The following OSBPL8 variants were observed in gnomAD, a reference collection of about 807,000 sequenced individuals.
The protein encoded by OSBPL8 is oxysterol binding protein like 8, also known as oxysterol-binding protein-related protein 8.
Under a neutral mutation model 125.5 loss-of-function variants are expected in OSBPL8, and 59 were observed. The observed-to-expected ratio is 0.47, with a 90% CI of 0.38 to 0.58. The LOEUF is 0.58. OSBPL8 is among the 20% of genes least tolerant of loss of function. The pLI is 0.00. For synonymous variants in OSBPL8, 330 were observed against 338.9 expected, an observed-to-expected ratio of 0.97 and a Z score of 0.29; for missense variants, 758 against 1,047.8, an observed-to-expected ratio of 0.72 and a Z score of 3.82.
chr12:76,503,306 C>T (rs1191819795), intron 1 of OSBPL8, among the ~76,000 whole-genome samples: 1 of 152,158 alleles, frequency 6.6e-6, no homozygotes, highest in African/African-American at 2.4e-5. Context: ...CTTGAGATGG[C>T]CATTTTCTCC....
chr12:76,367,256 G>GTGTGTGTA (rs1952455942), intron 21 of OSBPL8, among the ~76,000 whole-genome samples: 1 of 151,670 alleles, frequency 6.6e-6, no homozygotes, highest in Non-Finnish European at 1.5e-5. Context: ...GTGTGTGTGT[G>GTGTGTGTA]TATGAATTGA....
intron 4 of OSBPL8, among the ~76,000 whole-genome samples, chr12:76,434,777 A>G (rs922979701): frequency 6.6e-6 from 1 of 152,238 alleles, no homozygotes; most frequent in Non-Finnish European, 1.5e-5. Flanking sequence ...CAACATCACT[A>G]ATCATCAGGG....
At chr12:76,376,397 C>T (rs993208221) in intron 16 of OSBPL8, among the ~76,000 whole-genome samples, 5 of 152,142 alleles carry the variant, frequency 3.3e-5, no homozygotes, top group South Asian at 2.1e-4. Flanking sequence ...CTATGGAACT[C>T]TTATTTTACA....
intron 1 of OSBPL8, among the ~76,000 whole-genome samples, chr12:76,549,960 G>A (rs1470766452): frequency 6.6e-6 from 1 of 151,346 alleles, no homozygotes; most frequent in Non-Finnish European, 1.5e-5. Flanking sequence ...ATAACAGAAT[G>A]GATCCAATTC....
intron 22 of OSBPL8, among the ~76,000 whole-genome samples, chr12:76,358,243 G>C (rs190897755): frequency 7.4e-6 from 1 of 134,914 alleles, no homozygotes; most frequent in Non-Finnish European, 1.6e-5. Context: ...GCAGTAGTGT[G>C]ATCTCGGTTC....
chr12:76,448,487 A>C (rs1286469969), intron 4 of OSBPL8, among the ~76,000 whole-genome samples: 1 of 152,172 alleles, frequency 6.6e-6, no homozygotes, highest in Non-Finnish European at 1.5e-5. Context: ...TTGTTTCAGA[A>C]TTTTATCTTA....
intron 14 of OSBPL8, 148 bp downstream of exon 14, chr12:76,386,020 G>C (rs1953294020): frequency 9.2e-7 from 1 of 1,084,270 alleles, no homozygotes; most frequent in African/African-American, 1.6e-5. Context: ...TACTTTAGTA[G>C]TATTTAATAT....
intron 21 of OSBPL8, among the ~76,000 whole-genome samples, chr12:76,364,442 C>T (rs1952329229): frequency 6.6e-6 from 1 of 152,090 alleles, no homozygotes; most frequent in Non-Finnish European, 1.5e-5. Flanking sequence ...TAAGTGGGAG[C>T]TGAACAATGA....
intron 3 of OSBPL8, among the ~76,000 whole-genome samples, chr12:76,459,359 G>C (rs966825591): frequency 6.6e-5 from 10 of 152,286 alleles, no homozygotes; most frequent in African/African-American, 2.4e-4. Flanking sequence ...AAAATGTGTT[G>C]AGGTGAATTG....
intron 4 of OSBPL8, among the ~76,000 whole-genome samples, chr12:76,438,208 G>A (rs952598194): frequency 4.0e-5 from 6 of 151,754 alleles, no homozygotes; most frequent in African/African-American, 1.2e-4. Context: ...GGATGGTCTC[G>A]ATCTCCTGAC....
chr12:76,396,818 T>C (rs910412526), intron 8 of OSBPL8, among the ~76,000 whole-genome samples: 1 of 152,022 alleles, frequency 6.6e-6, no homozygotes. Flanking sequence ...ATAATGCTTG[T>C]TTGTTTTTTT....
intron 1 of OSBPL8, among the ~76,000 whole-genome samples, chr12:76,531,545 A>C (rs546545390): frequency 1.6e-4 from 24 of 152,358 alleles, no homozygotes; most frequent in African/African-American, 5.5e-4. Context: ...AAGATGTATC[A>C]AACTGTGACA....
intron 1 of OSBPL8, among the ~76,000 whole-genome samples, chr12:76,490,363 C>T (rs1263964468): frequency 6.6e-6 from 1 of 152,204 alleles, no homozygotes; most frequent in Non-Finnish European, 1.5e-5. Flanking sequence ...CACCCATGGA[C>T]CTGTCCTGCC....
intron 1 of OSBPL8, among the ~76,000 whole-genome samples, chr12:76,557,198 G>A (rs916999545): frequency 6.6e-6 from 1 of 152,168 alleles, no homozygotes; most frequent in African/African-American, 2.4e-5. Flanking sequence ...CTAGATCTAT[G>A]TACTGTATCA....
At chr12:76,559,294 G>A (rs1951203844) in intron 1 of OSBPL8, 103 bp downstream of exon 1, 1 of 152,812 alleles carries the variant, frequency 6.5e-6, no homozygotes, top group Non-Finnish European at 1.5e-5. Context: ...GGGTGGCCAG[G>A]AGTCCCCGAC....
intron 1 of OSBPL8, among the ~76,000 whole-genome samples, chr12:76,553,000 A>C (rs1374396477): frequency 6.6e-6 from 1 of 152,188 alleles, no homozygotes; most frequent in Non-Finnish European, 1.5e-5. Context: ...TATTATAATC[A>C]TAACAATGCA....
At chr12:76,443,646 C>A (rs1872445013) in intron 4 of OSBPL8, among the ~76,000 whole-genome samples, 1 of 152,034 alleles carries the variant, frequency 6.6e-6, no homozygotes. Context: ...GTAGCTGGGA[C>A]TATGGGCATG....
intron 1 of OSBPL8, among the ~76,000 whole-genome samples, chr12:76,534,829 G>A (rs1296544937): frequency 6.6e-6 from 1 of 152,072 alleles, no homozygotes; most frequent in African/African-American, 2.4e-5. Context: ...AATAGAATAA[G>A]GAGTCTAGAA....
At chr12:76,472,163 C>T in intron 2 of OSBPL8, among the ~76,000 whole-genome samples, 1 of 152,204 alleles carries the variant, frequency 6.6e-6, no homozygotes, top group African/African-American at 2.4e-5. Context: ...TCGGGAAAAG[C>T]TATATAATTT....
Sources: gnomAD v4.1 joint callset for allele counts (sites outside exome capture counted in the v4.1 genomes callset) on GRCh38, gnomAD v4.1.1 for gene constraint, MANE v1.5 for transcripts, NCBI Gene and HGNC (gene_info 2026-07-23, HGNC 2026-07-21) for gene names.